Variants in P3H2 observed in about 807,000 individuals in gnomAD.
The protein encoded by P3H2 is leprecan-like 1.
P3H2 carries 80 observed loss-of-function variants against 87.0 expected under a neutral mutation model. The ratio of observed to expected loss-of-function variants is 0.92; its 90% confidence interval spans 0.77 to 1.11. The LOEUF (loss-of-function observed/expected upper bound fraction) is 1.11, where lower values mean the gene tolerates loss of function less well. P3H2 is among the 50% of genes least tolerant of loss of function. P3H2 has a pLI of 0.00. For missense variants in P3H2, 1,001 were observed against 923.9 expected (o/e 1.08, Z -1.08); for synonymous variants, 367 against 359.3 (o/e 1.02, Z -0.24).
intron 1 of P3H2, among the ~76,000 whole-genome samples, chr3:190,002,161 T>C (rs1313758058): frequency 6.6e-6 from 1 of 152,154 alleles, no homozygotes; most frequent in Non-Finnish European, 1.5e-5. Context: ...TTACTGATGA[T>C]GTTAATACAT....
At chr3:190,108,120 T>A (rs1577327597) in intron 1 of P3H2, among the ~76,000 whole-genome samples, 1 of 152,084 alleles carries the variant, frequency 6.6e-6, no homozygotes, top group South Asian at 2.1e-4. Context: ...AAATTACCAG[T>A]ATTTTTTAAA....
At chr3:190,010,944 C>T (rs1724567279) in intron 1 of P3H2, among the ~76,000 whole-genome samples, 1 of 152,202 alleles carries the variant, frequency 6.6e-6, no homozygotes, top group South Asian at 2.1e-4. Context: ...GTTCTTTCTA[C>T]AAAGGTATCA....
At chr3:190,059,651 T>G (rs960308605) in intron 1 of P3H2, among the ~76,000 whole-genome samples, 1 of 152,016 alleles carries the variant, frequency 6.6e-6, no homozygotes, top group African/African-American at 2.4e-5. Context: ...CCTCCAACAC[T>G]TGCCACCAAT....
At chr3:190,004,979 T>C (rs892848121) in intron 1 of P3H2, among the ~76,000 whole-genome samples, 1 of 152,178 alleles carries the variant, frequency 6.6e-6, no homozygotes, top group African/African-American at 2.4e-5. Context: ...AAACTGTATG[T>C]CACAATCATT....
At chr3:189,978,042 G>T (rs1043706824) in intron 8 of P3H2, among the ~76,000 whole-genome samples, 1 of 152,196 alleles carries the variant, frequency 6.6e-6, no homozygotes, top group Non-Finnish European at 1.5e-5. Flanking sequence ...ATTTGGAAAA[G>T]TGAACTGTAT....
At chr3:189,983,697 G>A (rs1271478023) in intron 7 of P3H2, among the ~76,000 whole-genome samples, 2 of 152,110 alleles carry the variant, frequency 1.3e-5, no homozygotes, top group East Asian at 1.9e-4. Context: ...CAAGGGTTGA[G>A]TTTTTGAAGC....
chr3:190,025,521 A>G (rs1725061237), intron 1 of P3H2, among the ~76,000 whole-genome samples: 1 of 152,170 alleles, frequency 6.6e-6, no homozygotes, highest in Non-Finnish European at 1.5e-5. Flanking sequence ...AGAAGACATA[A>G]TAATAGTATT....
In P3H2 at chr3:189,974,340, G is replaced by C. The variant is rs190363343; in HGVS notation, c.1452+218C>G. The C allele has an allele frequency of 3.3e-4, 213 of 654,162 alleles. No homozygotes were observed. In the East Asian group the frequency reaches 5.1e-3, roughly 16 times the overall value. 40.5% of individuals were successfully genotyped at this position (654,162 alleles called of 1,614,324 possible). A position where few individuals can be genotyped will look rare whatever the true frequency, so the allele number is the denominator to read the frequency against. ...CCTTGCTAGATGGCTGTTGGGCTAG[G>C]AAATATGCCAGTAGCTATTCCAGAT... On this transcript the variant is annotated intron_variant, in intron 9 of 14. Coordinates refer to ENST00000319332, the MANE Select transcript of P3H2 (RefSeq NM_018192.4).
At chr3:190,007,963 C>CATATATATATAT (rs1385863469) in intron 1 of P3H2, among the ~76,000 whole-genome samples, 2 of 19,898 alleles carry the variant, frequency 1.0e-4, no homozygotes, top group African/African-American at 4.3e-4. Context: ...TTTGTTGACA[C>CATATATATATAT]ACATATATAT....
chr3:189,980,340 G>C lies in P3H2; in HGVS notation c.1324+2706C>G, dbSNP rs899257701. Among the ~76,000 whole-genome samples the C allele has an allele frequency of 7.2e-5, 11 of 152,234 alleles. No individual in the cohort carries two copies. The East Asian group carries it at 1.9e-3, about 27-fold the overall frequency. On this transcript the variant is annotated intron_variant, in intron 8 of 14. Coordinates refer to ENST00000319332, the MANE Select transcript of P3H2 (RefSeq NM_018192.4). ...AGCACTTTGGGAGGCCGTGGCGGGA[G>C]GATCACAAGGTCAGGAGTTCGAGGC... is the stretch of plus-strand genomic sequence containing the variant.
At chr3:190,056,221 T>C (rs1726149508) in intron 1 of P3H2, among the ~76,000 whole-genome samples, 1 of 152,156 alleles carries the variant, frequency 6.6e-6, no homozygotes, top group Admixed American at 6.5e-5. Context: ...CCCGGACTTT[T>C]AACTTCTAGA....
intron 10 of P3H2, 40 bp from the exon 11 acceptor site, chr3:189,973,064 A>G (rs770417083): frequency 3.1e-6 from 5 of 1,594,500 alleles, no homozygotes; most frequent in East Asian, 2.3e-5. Context: ...AAATGGGTTC[A>G]TTGGAGGTCG....
At position 190,049,891 on chromosome 3, in the gene P3H2, C is replaced by T. The variant is rs1158392830; in HGVS notation, c.481-54449G>A. Among the ~76,000 whole-genome samples, 3 of 151,868 alleles carry T rather than the reference C, an allele frequency of 2.0e-5. No homozygotes were observed. The South Asian group carries it at 6.2e-4, about 31-fold the overall frequency. On this transcript the variant is annotated intron_variant, in intron 1 of 14. Transcript: ENST00000319332. ...GGGGCTTAAATAAATTGGGAAATGC[C>T]GGGTTACACAAAGTTAAACAGCTTT...
intron 1 of P3H2, among the ~76,000 whole-genome samples, chr3:190,002,406 C>CT (rs567434383): frequency 0.011 from 1,533 of 141,556 alleles, 23 homozygotes; most frequent in African/African-American, 0.021. Context: ...TTTTTCTTTT[C>CT]TTTTTTTTTT....
chr3:190,066,162 C>CACACACACAA (rs1726496679), intron 1 of P3H2, among the ~76,000 whole-genome samples: 1 of 119,246 alleles, frequency 8.4e-6, no homozygotes, highest in South Asian at 2.3e-4. Context: ...TATATATACA[C>CACACACACAA]ACACACACAC....
chr3:190,051,396 T>C (rs77315507), intron 1 of P3H2, among the ~76,000 whole-genome samples: 2,980 of 152,246 alleles, frequency 0.02, 108 homozygotes, highest in African/African-American at 0.069. Context: ...AACAATGCAA[T>C]TTAATACGGA....
chr3:190,035,760 A>G (rs1389648683), intron 1 of P3H2, among the ~76,000 whole-genome samples: 1 of 152,208 alleles, frequency 6.6e-6, no homozygotes, highest in African/African-American at 2.4e-5. Flanking sequence ...AAAAGGCTAA[A>G]TACCTTCTGT....
chr3:189,987,744 G>T, intron 4 of P3H2, 75 bp from the exon 5 acceptor site: 3 of 1,567,152 alleles, frequency 1.9e-6, no homozygotes, highest in Non-Finnish European at 2.6e-6. Flanking sequence ...GGCCATCAAC[G>T]TGTCTACAAA....
At chr3:189,995,557 T>TG in intron 1 of P3H2, 115 bp from the exon 2 acceptor site, 2 of 335,368 alleles carry the variant, frequency 6.0e-6, no homozygotes, top group Non-Finnish European at 8.6e-6. Flanking sequence ...GGAGCCTTGG[T>TG]TTTTTTTTTT....
Sources: allele counts gnomAD v4.1 joint callset (sites outside exome capture counted in the v4.1 genomes callset), GRCh38; gene constraint gnomAD v4.1.1; transcripts MANE v1.5; gene names NCBI Gene and HGNC (gene_info 2026-07-23, HGNC 2026-07-21).